The following SCART1 variants were observed in gnomAD, a reference collection of about 807,000 sequenced individuals.
SCART1 encodes the protein scavenger receptor cysteine-rich domain-containing protein SCART1.
SCART1 carries 62 observed loss-of-function variants against 36.2 expected under a neutral mutation model. The observed-to-expected ratio is 1.71, with a 90% CI of 1.40 to 2.12. The LOEUF (loss-of-function observed/expected upper bound fraction) is 2.12. Ranked by LOEUF, SCART1 falls within the 30% of genes most tolerant of loss-of-function variation. The probability of loss-of-function intolerance (pLI) is 0.00; values close to 1 mark genes in which losing one functional copy is unlikely to be tolerated. For missense variants in SCART1, 1,041 were observed against 540.5 expected (o/e 1.93, Z -9.18); for synonymous variants, 487 against 238.7 (o/e 2.04, Z -9.59).
intron 6 of SCART1, among the ~76,000 whole-genome samples, chr10:133,460,525 A>ATATTTATTTATT (rs67784742): frequency 0.17 from 23,022 of 133,940 alleles, 2,178 homozygotes; most frequent in East Asian, 0.3. Flanking sequence ...ATTTATTTAA[A>ATATTTATTTATT]TATTTATTTA....
At chr10:133,457,761 T>G in intron 3 of SCART1, 186 bp downstream of exon 3, 1 of 554,394 alleles carries the variant, frequency 1.8e-6, no homozygotes, top group Non-Finnish European at 3.1e-6. Context: ...TGGAGCTGAG[T>G]TTCTGGTGGC....
chr10:133,464,531 T>G (rs541247174), intron 6 of SCART1, 75 bp from the exon 7 acceptor site: 17 of 607,262 alleles, frequency 2.8e-5, no homozygotes, highest in African/African-American at 2.0e-4. Context: ...CCCCTTGAGC[T>G]TAGCCCCCTC....
chr10:133,460,568 C>T (rs1589935261), intron 6 of SCART1, among the ~76,000 whole-genome samples: 3 of 129,656 alleles, frequency 2.3e-5, no homozygotes, highest in Admixed American at 7.9e-5. Context: ...GACGGTCTCA[C>T]TGTGTTGCCC....
chr10:133,456,327 G>A (rs1277183524), exon 2 of SCART1: 9 of 702,866 alleles, frequency 1.3e-5, no homozygotes, highest in East Asian at 8.0e-5. Context: ...GGATACGTGT[G>A]CAACCAGGAG....
exon 12 of SCART1, chr10:133,468,703 T>C (rs183836527): frequency 2.6e-5 from 4 of 152,356 alleles, no homozygotes; most frequent in African/African-American, 9.6e-5. Context: ...GTGTTGACTT[T>C]TATCAAATTC....
chr10:133,462,567 C>A (rs532536634), intron 6 of SCART1, among the ~76,000 whole-genome samples: 1 of 152,312 alleles, frequency 6.6e-6, no homozygotes, highest in East Asian at 1.9e-4. Context: ...GAGTAACCAG[C>A]CCTGCCACAG....
rs555502298 is a variant in SCART1, at chr10:133,468,689, A to G, written c.*721A>G. On this transcript the variant is annotated 3_prime_UTR_variant, in exon 12 of 12. Transcript: ENST00000640237. Reference sequence around the variant, plus strand: ...TTTGTTAAGGGTTTTGCTTTTTATCATAAGTGTTGACTTTTATCAAATTCT... The same window carrying G: ...TTTGTTAAGGGTTTTGCTTTTTATCGTAAGTGTTGACTTTTATCAAATTCT... The G allele has an allele frequency of 7.9e-4, 120 of 152,326 alleles. 1 individual carries two copies. Among genetic ancestry groups the G allele is most frequent in the Middle Eastern group, 3.4e-3 (1 of 294 alleles). The allele number at this position is 152,326 out of a possible 1,614,324, so 9.4% of individuals were successfully genotyped here.
chr10:133,459,988 A>G (rs935150095), exon 6 of SCART1: 4 of 541,368 alleles, frequency 7.4e-6, no homozygotes, highest in African/African-American at 6.0e-5. Context: ...GTCTGCAGGC[A>G]GCTGGGCTGT....
chr10:133,457,337 C>G (rs539062577), exon 3 of SCART1: 34 of 699,234 alleles, frequency 4.9e-5, no homozygotes, highest in Admixed American at 2.4e-4. Context: ...CGGGACTCCC[C>G]GAGATCAGAA....
At chr10:133,460,486 A>ATG (rs1850686179) in intron 6 of SCART1, among the ~76,000 whole-genome samples, 2 of 140,796 alleles carry the variant, frequency 1.4e-5, no homozygotes, top group Non-Finnish European at 3.1e-5. Context: ...ATATATATAT[A>ATG]TATTTATATA....
At chr10:133,459,460 T>G in intron 5 of SCART1, 27 bp from the exon 6 acceptor site, 2 of 622,100 alleles carry the variant, frequency 3.2e-6, no homozygotes, top group Non-Finnish European at 5.8e-6. Context: ...GCTGACATCT[T>G]GGGCCCCTGT....
rs111769579 is a variant in SCART1, at chr10:133,464,740, C to CTGGGGTG, written c.2117_2123dup (p.Leu711SerfsTer242). On this transcript the variant is annotated frameshift_variant, in exon 7 of 12. Transcript: ENST00000640237. LOFTEE classifies it high-confidence loss of function. ...CTCCTTGTCCATCATCTGCAAGCAGCTGGGGTGTGGGGTGTGGGGAGTGGG... is the reference window on the plus strand; with the variant it reads ...CTCCTTGTCCATCATCTGCAAGCAGCTGGGGTGTGGGGTGTGGGGTGTGGGGAGTGGG... The CTGGGGTG allele has an allele frequency of 9.4e-4, 658 of 701,114 alleles. 6 individuals carry two copies. In the African/African-American group the frequency reaches 0.01, roughly 11 times the overall value. 43.4% of individuals were successfully genotyped at this position (701,114 alleles called of 1,614,324 possible).
chr10:133,458,609 G>A (rs910050742), exon 4 of SCART1: 7 of 696,954 alleles, frequency 1.0e-5, no homozygotes, highest in Admixed American at 2.1e-5. Flanking sequence ...CCACGGGGGC[G>A]TGGGAGCCAG....
At chr10:133,459,744 G>C in exon 6 of SCART1, 1 of 698,666 alleles carries the variant, frequency 1.4e-6, no homozygotes, top group Non-Finnish European at 2.6e-6. Flanking sequence ...TCAGTGCAAC[G>C]TGTCCGCGAC....
intron 6 of SCART1, among the ~76,000 whole-genome samples, chr10:133,462,115 G>A (rs1013730809): frequency 3.3e-5 from 5 of 152,222 alleles, no homozygotes; most frequent in South Asian, 2.1e-4. Flanking sequence ...TGCATCCCCC[G>A]GGTGGGGCGG....
chr10:133,458,999 G>A, intron 4 of SCART1, 22 bp from the exon 5 acceptor site: 1 of 657,098 alleles, frequency 1.5e-6, no homozygotes, highest in East Asian at 2.7e-5. Context: ...TGCAAGCCAG[G>A]CTGACTCCTC....
exon 9 of SCART1, chr10:133,465,481 G>A: frequency 5.8e-6 from 3 of 521,452 alleles, no homozygotes. Context: ...CCGGGGCAGC[G>A]AGGCGTCCCT....
At chr10:133,462,216 C>A (rs781024812) in intron 6 of SCART1, among the ~76,000 whole-genome samples, 8 of 152,372 alleles carry the variant, frequency 5.3e-5, no homozygotes, top group Non-Finnish European at 1.2e-4. Context: ...ACATGGCCTG[C>A]ATTTTGTGCC....
At chr10:133,459,950 T>C (rs1189120376) in exon 6 of SCART1, 2 of 545,362 alleles carry the variant, frequency 3.7e-6, no homozygotes, top group Admixed American at 3.8e-5. Context: ...TGTGTGACGA[T>C]GCCTGGGACC....
Sources: allele counts gnomAD v4.1 joint callset (sites outside exome capture counted in the v4.1 genomes callset), GRCh38; gene constraint gnomAD v4.1.1; transcripts MANE v1.5; gene names NCBI Gene and HGNC (gene_info 2026-07-23, HGNC 2026-07-21).